Variants in MLXIPL observed in about 807,000 individuals in gnomAD.
MLXIPL encodes carbohydrate-responsive element-binding protein.
In MLXIPL, 49 loss-of-function variants were observed where a neutral mutation model predicts 81.5. The observed-to-expected ratio is 0.60, with a 90% CI of 0.48 to 0.76. MLXIPL has a LOEUF of 0.76. MLXIPL is among the 30% of genes least tolerant of loss of function. The pLI, the probability that MLXIPL is intolerant of heterozygous loss-of-function variation, is 0.00. For synonymous variants in MLXIPL, 466 were observed against 485.5 expected (o/e 0.96, Z 0.53); for missense variants, 1,053 against 1,167.0 (o/e 0.90, Z 1.42).
At chr7:73,599,798 A>C in intron 7 of MLXIPL, 103 bp from the exon 8 acceptor site, 6 of 1,180,192 alleles carry the variant, frequency 5.1e-6, no homozygotes, top group Non-Finnish European at 7.3e-6. Context: ...GGGTGGGGAC[A>C]TGGGGACTGG....
rs781788417 is a variant in MLXIPL at position 73,596,663 on chromosome 7, G to C, written c.1798C>G (p.Arg600Gly). Residue 600 changes from arginine (R) to glycine (G), a missense_variant, in exon 11 of 17, where the codon CGG becomes GGG. Physicochemically the swap from Arg to Gly is moderately radical, Grantham distance 125 (BLOSUM62 -2). Coordinates refer to ENST00000313375, the MANE Select transcript of MLXIPL (RefSeq NM_032951.3). The surrounding 1 kb of genome is among the most constrained non-coding windows in gnomAD (Gnocchi z 4.7). Reference protein sequence around the residue: ...SRPLLVPKAERLSPPAPSGSE... With the variant: ...SRPLLVPKAEGLSPPAPSGSE... ...CCGCTGGGCGCTGGGGGTGAGAGCC[G>C]CTCCGCTTTGGGGACAAGCAGGGGC... 4.4e-6 allele frequency: 7 copies of C among 1,590,128 alleles called. No homozygotes were observed. The highest frequency in any genetic ancestry group is 6.0e-6 in the Non-Finnish European group (7 of 1,168,158).
intron 9 of MLXIPL, 45 bp downstream of exon 9, chr7:73,597,137 T>C (rs2116196172): frequency 1.6e-5 from 16 of 1,005,710 alleles, no homozygotes; most frequent in Non-Finnish European, 2.4e-5. Context: ...CCCCACCCCC[T>C]GGCCTCCCTC....
the MLXIPL span, among the ~76,000 whole-genome samples, chr7:73,633,181 T>C: frequency 0.28 from 41,681 of 149,460 alleles, 6,005 homozygotes; most frequent in African/African-American, 0.34. Context: ...CCCAGGTTCA[T>C]GCCATTCTTC....
intron 1 of MLXIPL, among the ~76,000 whole-genome samples, chr7:73,622,372 C>A (rs1242601167): frequency 1.3e-5 from 2 of 151,786 alleles, no homozygotes; most frequent in Non-Finnish European, 2.9e-5. Context: ...GCCTGTAATC[C>A]CAGCTACTCA....
chr7:73,629,220 T>G (rs373002604), upstream of MLXIPL, among the ~76,000 whole-genome samples: 38 of 152,134 alleles, frequency 2.5e-4, no homozygotes, highest in African/African-American at 8.9e-4. Context: ...TTTTTGTATT[T>G]TTGTAGAGAC....
the MLXIPL span, among the ~76,000 whole-genome samples, chr7:73,633,518 C>T: frequency 0.28 from 42,619 of 151,308 alleles, 6,232 homozygotes; most frequent in African/African-American, 0.34. Context: ...GACAGGGTTT[C>T]GTCATGTTGC....
chr7:73,615,165 C>T (rs1795934183), intron 2 of MLXIPL, among the ~76,000 whole-genome samples: 1 of 152,130 alleles, frequency 6.6e-6, no homozygotes, highest in South Asian at 2.1e-4. Context: ...TGAAGTCACA[C>T]AGCCAGCAAG....
the MLXIPL span, among the ~76,000 whole-genome samples, chr7:73,647,756 G>C: frequency 2.6e-5 from 4 of 151,880 alleles, no homozygotes; most frequent in African/African-American, 9.7e-5. Flanking sequence ...CTGATGACGC[G>C]GGGGCTCCAC....
At chr7:73,639,142 T>A in the MLXIPL span, among the ~76,000 whole-genome samples, 1 of 152,116 alleles carries the variant, frequency 6.6e-6, no homozygotes, top group Admixed American at 6.6e-5. Context: ...TCCCCTTCTG[T>A]ACCACTTTGG....
upstream of MLXIPL, among the ~76,000 whole-genome samples, chr7:73,625,850 C>T (rs1010818370): frequency 4.6e-5 from 7 of 152,088 alleles, no homozygotes; most frequent in African/African-American, 9.7e-5. Flanking sequence ...AGGGGAGCCT[C>T]GAGGGACTGT....
intron 2 of MLXIPL, among the ~76,000 whole-genome samples, chr7:73,615,605 G>A (rs545647852): frequency 1.3e-5 from 2 of 152,082 alleles, no homozygotes; most frequent in South Asian, 2.1e-4. Flanking sequence ...GGTGCTGGGG[G>A]CCTGGTCTCC....
At chr7:73,594,047 T>G (rs1794064212) in intron 16 of MLXIPL, 64 bp from the exon 17 acceptor site, 6 of 1,488,528 alleles carry the variant, frequency 4.0e-6, no homozygotes, top group Non-Finnish European at 5.6e-6. Flanking sequence ...CCCTTGGATG[T>G]GGAACCAAAG....
In MLXIPL at chr7:73,594,387, C is replaced by T. The variant is rs781856340; in HGVS notation, c.2327G>A (p.Arg776Gln). ...CCCGTTGAAGGACTCAAACAGAGGC[C>T]GGATGAGGATGCTGAACTGGGCCCA... ...WKFWVFSILI[R>Q]PLFESFNGMV... Residue 776 changes from arginine to glutamine, a missense_variant, in exon 16 of 17, where the codon CGG (arginine) becomes CAG (glutamine). Around this residue, in one of 3 missense-constraint regions of MLXIPL, gnomAD observed 823 missense variants for 933.0 expected, o/e 0.88. Transcript: ENST00000313375. The T allele has an allele frequency of 1.7e-5, 28 of 1,604,158 alleles. No homozygotes were observed. Among genetic ancestry groups the T allele is most frequent in the Middle Eastern group, 3.3e-4 (2 of 6,082 alleles).
At position 73,596,854 on chromosome 7, in the gene MLXIPL, C is replaced by T. The variant is rs782330204; in HGVS notation, c.1671+11G>A. ...GGGCACAGCCCCACCGCCCAGTGCC[C>T]GAGATCTTACCGGGGACCCTGGGGA... On this transcript the variant is annotated intron_variant, in intron 10 of 16. Coordinates refer to ENST00000313375, the MANE Select transcript of MLXIPL (RefSeq NM_032951.3). This position sits in a 1 kb window ranked among gnomAD's most constrained non-coding sequence, Gnocchi z 4.7. 15 of 1,610,684 alleles carry T rather than the reference C, an allele frequency of 9.3e-6. No homozygotes were observed. The highest frequency in any genetic ancestry group is 8.9e-5 in the South Asian group (8 of 90,330).
intron 2 of MLXIPL, 129 bp from the exon 3 acceptor site, chr7:73,607,801 C>T: frequency 1.4e-6 from 1 of 699,268 alleles, no homozygotes; most frequent in Non-Finnish European, 2.5e-6. Flanking sequence ...AGTGCCCATG[C>T]TGCCTCCTCC....
rs782477970 is a variant in MLXIPL at position 73,596,207 on chromosome 7, C to A, written c.2004G>T (p.Gly668=). The change falls in exon 13 of 17, where the codon GGG becomes GGT. Residue 668 remains glycine (G), a synonymous_variant. Transcript: ENST00000313375. The surrounding 1 kb of genome is among the most constrained non-coding windows in gnomAD (Gnocchi z 4.7). The stretch of plus-strand genomic sequence containing the variant: ...TCACGAGCCCATGAAGGGTGTCAAA[C>A]CCCAGCTTGATGTTGAAGCGCCGCT... ...EQKRRFNIKL[G]FDTLHGLVST... 1.3e-5 allele frequency: 21 copies of A among 1,613,580 alleles called. No homozygotes were observed. The highest frequency in any genetic ancestry group is 5.0e-5 in the Admixed American group (3 of 59,986).
the MLXIPL span, among the ~76,000 whole-genome samples, chr7:73,638,096 C>T: frequency 2.0e-5 from 3 of 152,162 alleles, no homozygotes; most frequent in Admixed American, 2.0e-4. Flanking sequence ...ACACCCAAAG[C>T]TGGCCCAAAG....
chr7:73,603,048 C>T (rs1554596825), intron 7 of MLXIPL, among the ~76,000 whole-genome samples: 1 of 152,202 alleles, frequency 6.6e-6, no homozygotes, highest in East Asian at 1.9e-4. Context: ...CCTGACCTGT[C>T]ATCCCCTCCC....
the MLXIPL span, among the ~76,000 whole-genome samples, chr7:73,638,960 T>C: frequency 6.6e-6 from 1 of 151,380 alleles, no homozygotes; most frequent in Non-Finnish European, 1.5e-5. Context: ...TGACTAGAGG[T>C]TAAATTAAGT....
Sources: allele counts gnomAD v4.1 joint callset (sites outside exome capture counted in the v4.1 genomes callset), GRCh38; gene constraint gnomAD v4.1.1; regional missense constraint gnomAD v4.1.1; non-coding constraint Gnocchi (gnomAD v3.1); transcripts MANE v1.5; gene names NCBI Gene and HGNC (gene_info 2026-07-23, HGNC 2026-07-21).